TRIP4: variants seen among roughly 807,000 people sequenced by gnomAD.
TRIP4 encodes the protein activating signal cointegrator 1.
A neutral mutation model predicts 81.8 loss-of-function variants in TRIP4; 54 were observed. That is an observed-to-expected ratio of 0.66 (90% CI 0.53 to 0.83). The LOEUF is 0.83. Among genes scored for constraint, TRIP4 ranks in the 40% least tolerant of loss-of-function variants. TRIP4 has a pLI of 0.00. For missense variants in TRIP4, 662 were observed against 683.6 expected (o/e 0.97, Z 0.35); for synonymous variants, 270 against 242.8 (o/e 1.11, Z -1.04).
At chr15:64,418,877 A>G in intron 9 of TRIP4, 149 bp downstream of exon 9, 1 of 723,102 alleles carries the variant, frequency 1.4e-6, no homozygotes, top group Admixed American at 3.7e-5. Context: ...TATTCATGTT[A>G]CTGACTTGGT....
intron 11 of TRIP4, among the ~76,000 whole-genome samples, chr15:64,437,437 A>T (rs1233741800): frequency 6.6e-6 from 1 of 151,856 alleles, no homozygotes; most frequent in East Asian, 1.9e-4. Context: ...AAAGAAAAAA[A>T]TGCCATATGA....
chr15:64,411,805 A>G (rs761982931), intron 7 of TRIP4, among the ~76,000 whole-genome samples: 3 of 151,702 alleles, frequency 2.0e-5, no homozygotes, highest in Non-Finnish European at 4.4e-5. Flanking sequence ...TCAGCCTCCC[A>G]AGTAGCTGGG....
intron 11 of TRIP4, among the ~76,000 whole-genome samples, chr15:64,430,826 G>A (rs1461813337): frequency 1.3e-5 from 2 of 152,192 alleles, no homozygotes; most frequent in African/African-American, 4.8e-5. Context: ...GAATTATGCT[G>A]AAGCAGTTAT....
At chr15:64,399,385 C>G (rs972951547) in intron 4 of TRIP4, among the ~76,000 whole-genome samples, 4 of 152,176 alleles carry the variant, frequency 2.6e-5, no homozygotes, top group Non-Finnish European at 5.9e-5. Context: ...CTCTTTAGAG[C>G]AAGCTCTTAT....
At chr15:64,409,233 C>T (rs969094212) in intron 6 of TRIP4, among the ~76,000 whole-genome samples, 12 of 151,564 alleles carry the variant, frequency 7.9e-5, no homozygotes, top group Admixed American at 3.9e-4. Flanking sequence ...AGAACTGAGA[C>T]TTAAGCATAG....
intron 3 of TRIP4, among the ~76,000 whole-genome samples, chr15:64,395,801 T>C (rs1490637118): frequency 6.6e-6 from 1 of 151,266 alleles, no homozygotes; most frequent in African/African-American, 2.4e-5. Flanking sequence ...AGTGCAGTGG[T>C]GCGATCTCTG....
At chr15:64,442,399 C>T (rs888349844) in intron 11 of TRIP4, among the ~76,000 whole-genome samples, 9 of 152,082 alleles carry the variant, frequency 5.9e-5, no homozygotes, top group African/African-American at 2.2e-4. Context: ...GACAGGGTCT[C>T]ACTCTGTTGC....
chr15:64,397,642 A>G lies in TRIP4; in HGVS notation c.442A>G (p.Lys148Glu). The change falls in exon 4 of 13, where the codon AAG (lysine) becomes GAG (glutamate). Residue 148 changes from lysine to glutamate, a missense_variant. Coordinates refer to ENST00000261884, the MANE Select transcript of TRIP4 (RefSeq NM_016213.5). ...ENSNSVKKKT[K>E]FVNLYTREGQ... ...CAGCAACTCCGTAAAGAAGAAGACAAAGTTTGTCAATTTATACACAAGAGA... is the reference window on the plus strand; with the variant it reads ...CAGCAACTCCGTAAAGAAGAAGACAGAGTTTGTCAATTTATACACAAGAGA... The G allele has an allele frequency of 3.7e-6, 6 of 1,613,662 alleles. No homozygotes were observed. The highest frequency in any genetic ancestry group is 5.1e-6 in the Non-Finnish European group (6 of 1,179,544).
chr15:64,420,195 C>G (rs559301226), intron 9 of TRIP4, among the ~76,000 whole-genome samples: 1 of 150,342 alleles, frequency 6.7e-6, no homozygotes, highest in South Asian at 2.1e-4. Context: ...GTTATCAGCT[C>G]ACTGCAACCT....
Position 64,447,941 on chromosome 15 carries a change from C to G in TRIP4, c.1678+2833C>G, listed in dbSNP as rs1381497210. ...TGCCCAGTTTGGTCTCAAGTGGATC[C>G]TCCTGCCTTGGCCTCCTAAAGCGTT... On this transcript the variant is annotated intron_variant, in intron 12 of 12. Coordinates refer to ENST00000261884, the MANE Select transcript of TRIP4 (RefSeq NM_016213.5). Among the ~76,000 whole-genome samples the G allele has an allele frequency of 2.0e-5, 3 of 152,160 alleles. No homozygotes were observed. In the East Asian group the frequency reaches 5.8e-4, roughly 29 times the overall value.
intron 12 of TRIP4, among the ~76,000 whole-genome samples, chr15:64,448,503 A>T (rs1177994850): frequency 6.6e-6 from 1 of 152,180 alleles, no homozygotes; most frequent in African/African-American, 2.4e-5. Context: ...TCACTCTGTT[A>T]TCCAGGTTGG....
chr15:64,410,834 C>A (rs937549659), intron 7 of TRIP4, among the ~76,000 whole-genome samples: 2 of 151,922 alleles, frequency 1.3e-5, no homozygotes, highest in Non-Finnish European at 2.9e-5. Context: ...AGAACTCTTG[C>A]AAATTAAAAG....
chr15:64,398,939 C>CTTTTTTTTTTTTTTTTTTTT (rs71133424), intron 4 of TRIP4, among the ~76,000 whole-genome samples: 1 of 79,256 alleles, frequency 1.3e-5, no homozygotes, highest in African/African-American at 5.2e-5. Context: ...TTCTTTTTTC[C>CTTTTTTTTTTTTTTTTTTTT]TTTTTTTTTT....
intron 5 of TRIP4, among the ~76,000 whole-genome samples, chr15:64,402,779 A>T (rs1002749881): frequency 6.6e-6 from 1 of 150,618 alleles, no homozygotes; most frequent in Non-Finnish European, 1.5e-5. Context: ...GCCCACCTCA[A>T]CCTCCCAAAG....
At position 64,425,585 on chromosome 15, in the gene TRIP4, G is replaced by T. The variant is rs2140301410; in HGVS notation, c.1529G>T (p.Cys510Phe). 1 of 1,612,772 alleles carries T rather than the reference G, an allele frequency of 6.2e-7. No individual in the cohort carries two copies. The highest frequency in any genetic ancestry group is 1.7e-5 in the Admixed American group (1 of 59,836). ...TATCCGTCAGGTTGTCTTCTGGGCT[G>T]TGTGGACCTAATTGACTGCTTGTCC... ...NDYPSGCLLG[C>F]VDLIDCLSQK... is the part of the protein sequence containing the mutation. Residue 510 changes from cysteine to phenylalanine, a missense_variant, in exon 11 of 13, where the codon TGT becomes TTT. By Grantham distance (205) the Cys-to-Phe change is radical. Coordinates refer to ENST00000261884, the MANE Select transcript of TRIP4 (RefSeq NM_016213.5).
At chr15:64,421,342 A>ATT (rs955322284) in intron 9 of TRIP4, among the ~76,000 whole-genome samples, 104 of 136,918 alleles carry the variant, frequency 7.6e-4, no homozygotes, top group African/African-American at 2.6e-3. Flanking sequence ...TCTTTCTTTC[A>ATT]TTTTTTTTTT....
intron 11 of TRIP4, among the ~76,000 whole-genome samples, chr15:64,431,240 C>A (rs1360896725): frequency 6.6e-6 from 1 of 152,000 alleles, no homozygotes; most frequent in Non-Finnish European, 1.5e-5. Context: ...ATATATAGAC[C>A]TCAAAATATT....
At chr15:64,430,432 C>T (rs1312871752) in intron 11 of TRIP4, among the ~76,000 whole-genome samples, 1 of 152,182 alleles carries the variant, frequency 6.6e-6, no homozygotes, top group Non-Finnish European at 1.5e-5. Context: ...TCAAAAACAG[C>T]AGGGAGGATG....
chr15:64,393,671 AAG>A (rs1165248940), intron 1 of TRIP4: 6 of 223,836 alleles, frequency 2.7e-5, no homozygotes, highest in African/African-American at 4.5e-5. Flanking sequence ...TGTAGGAAAA[AAG>A]AAAATAAAAA....
Sources: gnomAD v4.1 joint callset for allele counts (sites outside exome capture counted in the v4.1 genomes callset) on GRCh38, gnomAD v4.1.1 for gene constraint, MANE v1.5 for transcripts, NCBI Gene and HGNC (gene_info 2026-07-23, HGNC 2026-07-21) for gene names.